Variants in C11orf65 observed in about 807,000 individuals in gnomAD.
C11orf65 encodes protein MFI.
Under a neutral mutation model 35.3 loss-of-function variants are expected in C11orf65, and 38 were observed. The observed-to-expected ratio is 1.08, with a 90% CI of 0.83 to 1.41. The LOEUF is 1.41. Among genes scored for constraint, C11orf65 ranks in the 40% most tolerant of loss-of-function variants. C11orf65 has a pLI of 0.00. For missense variants in C11orf65, 370 were observed against 367.1 expected (o/e 1.01, Z -0.06); for synonymous variants, 105 against 114.4 (o/e 0.92, Z 0.53).
intron 6 of C11orf65, among the ~76,000 whole-genome samples, chr11:108,404,494 G>A (rs1170558680): frequency 2.6e-5 from 4 of 151,652 alleles, no homozygotes; most frequent in Non-Finnish European, 4.4e-5. Flanking sequence ...TGCAAGCTCC[G>A]CCTCCTGGGT....
intron 2 of C11orf65, among the ~76,000 whole-genome samples, chr11:108,443,711 G>C (rs1251845087): frequency 6.6e-6 from 1 of 152,152 alleles, no homozygotes; most frequent in Non-Finnish European, 1.5e-5. Context: ...ACCTGCTCCT[G>C]AATGACTACT....
chr11:108,335,779 A>T (rs764389199), intron 2 of C11orf65: 10 of 1,322,616 alleles, frequency 7.6e-6, no homozygotes, highest in Non-Finnish European at 1.1e-5. Flanking sequence ...TGCTATTCTC[A>T]GATGACTCTG....
At chr11:108,430,834 G>C (rs1474068606) in intron 3 of C11orf65, among the ~76,000 whole-genome samples, 1 of 151,036 alleles carries the variant, frequency 6.6e-6, no homozygotes, top group Non-Finnish European at 1.5e-5. Flanking sequence ...GACAGAGTGA[G>C]ACCCTGTCTT....
intron 2 of C11orf65, chr11:108,346,421 T>C (rs1294310162): frequency 6.5e-6 from 1 of 153,000 alleles, no homozygotes; most frequent in African/African-American, 2.4e-5. Context: ...GAAATTAGAA[T>C]AGGTAGATAG....
rs373893121 is a variant in C11orf65, at chr11:108,395,132, TAA to T, written c.561-1756_561-1755del. On this transcript the variant is annotated intron_variant, in intron 6 of 8. Transcript: ENST00000393084. The stretch of plus-strand genomic sequence containing the variant: ...GGTAACAGAGTGAGACCTTAACTCT[TAA>T]AAAAAAAAAAAAATCATAACACTAC... 2.1e-3 allele frequency among the ~76,000 whole-genome samples: 303 copies of T among 142,116 alleles called. 2 individuals are homozygous for T. Among genetic ancestry groups the T allele is most frequent in the Non-Finnish European group, 3.6e-3 (236 of 64,952 alleles). The allele number at this position is 142,116 out of a possible 152,430, so 93.2% of individuals were successfully genotyped here. A position where few individuals can be genotyped will look rare whatever the true frequency, so the allele number is the denominator to read the frequency against.
At chr11:108,364,249 C>A (rs2091100025) in intron 2 of C11orf65, among the ~76,000 whole-genome samples, 1 of 152,132 alleles carries the variant, frequency 6.6e-6, no homozygotes, top group Non-Finnish European at 1.5e-5. Flanking sequence ...TACTGGAATG[C>A]CCTGTAGAAT....
intron 2 of C11orf65, among the ~76,000 whole-genome samples, chr11:108,443,166 G>C (rs2093187208): frequency 6.6e-6 from 1 of 151,904 alleles, no homozygotes; most frequent in Non-Finnish European, 1.5e-5. Context: ...AAAAAGCAGG[G>C]GCTACAATCC....
At chr11:108,451,973 A>T (rs2093353730) in intron 2 of C11orf65, among the ~76,000 whole-genome samples, 1 of 152,208 alleles carries the variant, frequency 6.6e-6, no homozygotes, top group Non-Finnish European at 1.5e-5. Context: ...CTGAAACTGG[A>T]TCCCTTCCTT....
intron 3 of C11orf65, among the ~76,000 whole-genome samples, chr11:108,429,597 C>A (rs2092956660): frequency 6.6e-6 from 1 of 152,088 alleles, no homozygotes; most frequent in African/African-American, 2.4e-5. Flanking sequence ...TCCTAAAAAA[C>A]TTAAAAATGG....
intron 5 of C11orf65, among the ~76,000 whole-genome samples, 196 bp downstream of exon 5, chr11:108,406,567 A>G (rs2092544649): frequency 6.6e-6 from 1 of 152,236 alleles, no homozygotes; most frequent in Non-Finnish European, 1.5e-5. Flanking sequence ...AAGTAGAAAT[A>G]AATGTAGTAA....
chr11:108,357,949 G>T (rs944600161), intron 2 of C11orf65, among the ~76,000 whole-genome samples: 4 of 150,552 alleles, frequency 2.7e-5, no homozygotes, highest in South Asian at 4.2e-4. Flanking sequence ...GATGGAGAAT[G>T]ACTTTGACGA....
intron 1 of C11orf65, among the ~76,000 whole-genome samples, chr11:108,465,768 T>C (rs1454054301): frequency 2.6e-5 from 4 of 151,888 alleles, no homozygotes; most frequent in Admixed American, 1.3e-4. Context: ...GCGGATCATC[T>C]GAGGTTGGGA....
Position 108,316,051 on chromosome 11 carries a change from C to CTAG in C11orf65, c.641-6983_641-6981dup, listed in dbSNP as rs1591778872. 6.2e-7 allele frequency: 1 copy of CTAG among 1,614,148 alleles called. No individual in the cohort carries two copies. Among genetic ancestry groups the CTAG allele is most frequent in the Admixed American group, 1.7e-5 (1 of 60,020 alleles). ...ACACGAAGCAATGTGGGGCAAAGCC[C>CTAG]TAGTAACATATGACCTCGAAACAGC... On this transcript the variant is annotated intron_variant, in intron 6 of 6. Transcript: ENST00000525729.
chr11:108,428,761 T>C (rs889420838), intron 3 of C11orf65, among the ~76,000 whole-genome samples: 5 of 152,142 alleles, frequency 3.3e-5, no homozygotes, highest in South Asian at 2.1e-4. Flanking sequence ...TGTATACCTA[T>C]GTAACAAACC....
intron 2 of C11orf65, among the ~76,000 whole-genome samples, chr11:108,452,700 C>T (rs894423353): frequency 3.3e-5 from 5 of 152,072 alleles, no homozygotes; most frequent in Non-Finnish European, 4.4e-5. Flanking sequence ...CACATGCACA[C>T]GTATGTTTAC....
At chr11:108,436,803 TAC>T (rs1375486314) in intron 2 of C11orf65, among the ~76,000 whole-genome samples, 2 of 152,070 alleles carry the variant, frequency 1.3e-5, no homozygotes, top group Non-Finnish European at 2.9e-5. Context: ...GGAGACAGAA[TAC>T]AATGGAATGC....
At position 108,343,384 on chromosome 11, in the gene C11orf65, C is replaced by T. The variant is rs372552946; in HGVS notation, c.227-8092G>A. 64 of 1,613,262 alleles carry T rather than the reference C, an allele frequency of 4.0e-5. No individual in the cohort carries two copies. The African/African-American group carries it at 8.5e-4, about 22-fold the overall frequency. Reference sequence around the variant, plus strand: ...AAAGAAAATGATGGTGAGTGACACCCAAAATTAAAGGTTATTGTAAGATTA... The same window carrying T: ...AAAGAAAATGATGGTGAGTGACACCTAAAATTAAAGGTTATTGTAAGATTA... On this transcript the variant is annotated intron_variant, in intron 2 of 3. Transcript: ENST00000524755.
chr11:108,371,666 T>C (rs2091580015), intron 2 of C11orf65, among the ~76,000 whole-genome samples: 1 of 152,256 alleles, frequency 6.6e-6, no homozygotes, highest in Non-Finnish European at 1.5e-5. Context: ...GAGTTGTCTC[T>C]ACCCTTTGAC....
chr11:108,362,707 C>A (rs1470335578), intron 2 of C11orf65, among the ~76,000 whole-genome samples: 2 of 145,868 alleles, frequency 1.4e-5, no homozygotes, highest in African/African-American at 5.1e-5. Context: ...GAACAAAAAA[C>A]CAAACACCGC....
Sources: gnomAD v4.1 joint callset for allele counts (sites outside exome capture counted in the v4.1 genomes callset) on GRCh38, gnomAD v4.1.1 for gene constraint, MANE v1.5 for transcripts, NCBI Gene and HGNC (gene_info 2026-07-23, HGNC 2026-07-21) for gene names.